Variants in FRAS1 observed in about 807,000 individuals in gnomAD.
The protein encoded by FRAS1 is extracellular matrix organizing protein FRAS1.
FRAS1 carries 290 observed loss-of-function variants against 435.2 expected under a neutral mutation model. That is an observed-to-expected ratio of 0.67 (90% confidence interval 0.61 to 0.73). FRAS1 has a LOEUF of 0.73. Among genes scored for constraint, FRAS1 ranks in the 30% least tolerant of loss-of-function variants. The pLI is 0.00. For missense variants in FRAS1, 4,860 were observed against 5,001.5 expected (o/e 0.97, Z 0.85); for synonymous variants, 1,800 against 1,851.0 (o/e 0.97, Z 0.71).
intron 22 of FRAS1, among the ~76,000 whole-genome samples, chr4:78,367,365 A>G (rs887364299): frequency 2.0e-5 from 3 of 151,460 alleles, no homozygotes; most frequent in African/African-American, 7.3e-5. Context: ...TCATGCCACT[A>G]TACTCCAGCC....
intron 2 of FRAS1, among the ~76,000 whole-genome samples, chr4:78,226,371 T>C (rs1478991308): frequency 6.6e-6 from 1 of 152,182 alleles, no homozygotes; most frequent in Non-Finnish European, 1.5e-5. Flanking sequence ...ATTGTTTTAG[T>C]TTGGATCTGA....
intron 29 of FRAS1, among the ~76,000 whole-genome samples, chr4:78,398,941 C>T (rs1732773953): frequency 6.6e-6 from 1 of 151,882 alleles, no homozygotes; most frequent in South Asian, 2.1e-4. Flanking sequence ...CAAGTTCGTG[C>T]AATTGCACTC....
At chr4:78,258,261 A>C (rs552315355) in intron 6 of FRAS1, among the ~76,000 whole-genome samples, 1 of 151,130 alleles carries the variant, frequency 6.6e-6, no homozygotes, top group African/African-American at 2.4e-5. Context: ...GGATCTCTTG[A>C]GCCTGGGAGG....
intron 2 of FRAS1, among the ~76,000 whole-genome samples, chr4:78,087,846 C>G (rs1444123348): frequency 6.6e-6 from 1 of 152,206 alleles, no homozygotes; most frequent in Non-Finnish European, 1.5e-5. Flanking sequence ...AATGGCCATA[C>G]TGCCCAAGGT....
Position 78,521,611 on chromosome 4 carries a change from G to T in FRAS1, c.10629G>T (p.Lys3543Asn). The change falls in exon 68 of 74, where the codon AAG becomes AAT. Residue 3543 changes from lysine (K) to asparagine (N), a missense_variant. Lys to Asn is a moderately conservative substitution (Grantham distance 94, BLOSUM62 0). Transcript: ENST00000512123. The part of the protein sequence containing the change: ...REDGRLVIEF[K>N]THAKFRGQFV... ...ATGGCCGTCTTGTCATTGAATTCAA[G>T]ACCCATGCCAAATTCAGAGGTAATA... 1 of 1,607,674 alleles carries T rather than the reference G, an allele frequency of 6.2e-7. No homozygotes were observed. The highest frequency in any genetic ancestry group is 8.5e-7 in the Non-Finnish European group (1 of 1,176,956).
chr4:78,088,410 A>T (rs1262610273), intron 2 of FRAS1, among the ~76,000 whole-genome samples: 1 of 151,916 alleles, frequency 6.6e-6, no homozygotes, highest in Admixed American at 6.6e-5. Context: ...ATGGCCACAA[A>T]AGCCAAAATT....
At chr4:78,507,343 A>G in intron 61 of FRAS1, 78 bp from the exon 62 acceptor site, 3 of 1,222,292 alleles carry the variant, frequency 2.5e-6, no homozygotes, top group Non-Finnish European at 3.4e-6. Flanking sequence ...ATAATGTCTC[A>G]GCAGTGCCAA....
chr4:78,112,301 T>C (rs76176753), intron 2 of FRAS1, among the ~76,000 whole-genome samples: 32 of 152,314 alleles, frequency 2.1e-4, no homozygotes, highest in African/African-American at 7.7e-4. Context: ...ATTGGGAACC[T>C]GGCTTTTTAA....
intron 35 of FRAS1, among the ~76,000 whole-genome samples, chr4:78,425,142 C>T (rs1482259673): frequency 1.3e-5 from 2 of 150,828 alleles, no homozygotes; most frequent in Non-Finnish European, 2.9e-5. Flanking sequence ...ATATAAAGCT[C>T]CAAGAATGAT....
chr4:78,429,339 C>T, intron 36 of FRAS1, 113 bp downstream of exon 36: 1 of 1,329,946 alleles, frequency 7.5e-7, no homozygotes, highest in South Asian at 1.5e-5. Context: ...CCAGAAGTTG[C>T]CTGCATTCTC....
intron 4 of FRAS1, among the ~76,000 whole-genome samples, chr4:78,247,637 A>G (rs1458802276): frequency 1.3e-5 from 2 of 152,186 alleles, no homozygotes; most frequent in South Asian, 2.1e-4. Flanking sequence ...TCACCTCATC[A>G]CTTGCATCAC....
intron 59 of FRAS1, among the ~76,000 whole-genome samples, chr4:78,489,821 C>T (rs148683413): frequency 6.6e-6 from 1 of 152,060 alleles, no homozygotes; most frequent in Non-Finnish European, 1.5e-5. Flanking sequence ...AATACCTGCA[C>T]CCCTGTCCCA....
chr4:78,424,523 A>G, intron 35 of FRAS1, 103 bp downstream of exon 35: 1 of 508,596 alleles, frequency 2.0e-6, no homozygotes, highest in East Asian at 3.5e-5. Context: ...TTTTCTAAGA[A>G]CTACTTAAAA....
chr4:78,473,556 C>T lies in FRAS1; in HGVS notation c.7641C>T (p.Val2547=). 1 of 1,610,880 alleles carries T rather than the reference C, an allele frequency of 6.2e-7. No individual in the cohort carries two copies. ...AACCCAATGTGGTCAGCGACAATGT[C>T]TTCCATATCCAGTGGTCACTCATCA... The part of the protein sequence containing the change: ...DSKPNVVSDN[V]FHIQWSLISF... The change falls in exon 53 of 74, where the codon GTC becomes GTT. Residue 2547 remains valine, a synonymous_variant. Transcript: ENST00000512123.
chr4:78,094,389 C>G (rs753544346), intron 2 of FRAS1, among the ~76,000 whole-genome samples: 3 of 151,886 alleles, frequency 2.0e-5, no homozygotes, highest in Non-Finnish European at 4.4e-5. Context: ...TTTTTATTCC[C>G]TCTACATTAT....
intron 2 of FRAS1, among the ~76,000 whole-genome samples, chr4:78,204,722 A>C (rs935531322): frequency 1.3e-5 from 2 of 152,184 alleles, no homozygotes; most frequent in Non-Finnish European, 2.9e-5. Context: ...CTAACTCTGA[A>C]CTATTTGGAT....
chr4:78,530,719 C>A (rs1721685247), intron 70 of FRAS1, among the ~76,000 whole-genome samples: 1 of 152,136 alleles, frequency 6.6e-6, no homozygotes, highest in South Asian at 2.1e-4. Flanking sequence ...GGTACAAGTA[C>A]CATGCTGTTT....
chr4:78,460,873 C>T lies in FRAS1; in HGVS notation c.6764-3148C>T, dbSNP rs370559710. On this transcript the variant is annotated intron_variant, in intron 47 of 73. Coordinates refer to ENST00000512123, the MANE Select transcript of FRAS1 (RefSeq NM_025074.7). Reference sequence around the variant, plus strand: ...CCAAAACTGAAATGTCATTATGTGACGCATGACTGTATGTGCTCAATAGAA... The same window carrying T: ...CCAAAACTGAAATGTCATTATGTGATGCATGACTGTATGTGCTCAATAGAA... Among the ~76,000 whole-genome samples, 199 of 152,256 alleles carry T rather than the reference C, an allele frequency of 1.3e-3. 5 individuals are homozygous for T. The South Asian group carries it at 0.04, about 30-fold the overall frequency.
At chr4:78,474,274 A>G (rs905298359) in intron 53 of FRAS1, among the ~76,000 whole-genome samples, 2 of 152,254 alleles carry the variant, frequency 1.3e-5, no homozygotes, top group African/African-American at 2.4e-5. Context: ...TGTTAAAGGT[A>G]GTGTGCAAGC....
Sources: allele counts gnomAD v4.1 joint callset (sites outside exome capture counted in the v4.1 genomes callset), GRCh38; gene constraint gnomAD v4.1.1; transcripts MANE v1.5; gene names NCBI Gene and HGNC (gene_info 2026-07-23, HGNC 2026-07-21).